MAF: variants seen among roughly 807,000 people sequenced by gnomAD.
The protein encoded by MAF is MAF bZIP transcription factor.
Under a neutral mutation model 22.0 loss-of-function variants are expected in MAF, and 10 were observed. That is an observed-to-expected ratio of 0.45 (90% CI 0.28 to 0.77). MAF has a LOEUF of 0.77. Ranked by LOEUF, MAF falls within the 30% of genes least tolerant of loss-of-function variation. The pLI, the probability that MAF is intolerant of heterozygous loss-of-function variation, is 0.12. For missense variants in MAF, 544 were observed against 548.4 expected (o/e 0.99, Z 0.08); for synonymous variants, 337 against 255.8 (o/e 1.32, Z -3.03).
chr16:79,214,971 A>G, the MAF span, among the ~76,000 whole-genome samples: 1 of 151,742 alleles, frequency 6.6e-6, no homozygotes, highest in Non-Finnish European at 1.5e-5. Context: ...CAGCCCCCCA[A>G]AGTGCTGGGA....
At chr16:79,549,629 A>G in the MAF span, among the ~76,000 whole-genome samples, 236 of 152,276 alleles carry the variant, frequency 1.5e-3, 1 homozygote, top group Middle Eastern at 0.01. Context: ...TTTCGGATAG[A>G]CACTCACTTG....
chr16:79,453,066 T>C, the MAF span, among the ~76,000 whole-genome samples: 1 of 152,122 alleles, frequency 6.6e-6, no homozygotes, highest in Non-Finnish European at 1.5e-5. Flanking sequence ...GATATAGAAG[T>C]CCCTTCTCTA....
At chr16:79,287,296 A>G in the MAF span, among the ~76,000 whole-genome samples, 1 of 152,190 alleles carries the variant, frequency 6.6e-6, no homozygotes, top group Non-Finnish European at 1.5e-5. Context: ...CTCCCAGCCC[A>G]GCTGCTGTTC....
chr16:79,495,036 C>T, the MAF span, among the ~76,000 whole-genome samples: 114 of 152,130 alleles, frequency 7.5e-4, 2 homozygotes, highest in South Asian at 2.1e-4. Context: ...CCTCTCCAGG[C>T]GTGTCACCCC....
At chr16:79,302,636 G>A in the MAF span, among the ~76,000 whole-genome samples, 3 of 152,206 alleles carry the variant, frequency 2.0e-5, no homozygotes, top group Non-Finnish European at 4.4e-5. Flanking sequence ...TAATGAATGT[G>A]GCTTCTATGT....
chr16:79,538,703 G>A, the MAF span, among the ~76,000 whole-genome samples: 5 of 152,092 alleles, frequency 3.3e-5, no homozygotes, highest in Non-Finnish European at 5.9e-5. Context: ...GCACATGCTT[G>A]TGGTCCCAGC....
chr16:79,512,865 G>A, the MAF span, among the ~76,000 whole-genome samples: 1 of 152,184 alleles, frequency 6.6e-6, no homozygotes, highest in African/African-American at 2.4e-5. Flanking sequence ...GCAGCACAGC[G>A]CCGAAGACAT....
the MAF span, among the ~76,000 whole-genome samples, chr16:79,501,241 G>C: frequency 6.6e-6 from 1 of 152,206 alleles, no homozygotes; most frequent in African/African-American, 2.4e-5. Flanking sequence ...CTCCTTGAAG[G>C]GTTGTCAGAT....
chr16:79,473,490 G>GA, the MAF span, among the ~76,000 whole-genome samples: 1 of 152,056 alleles, frequency 6.6e-6, no homozygotes, highest in Admixed American at 6.5e-5. Flanking sequence ...AAACAGTTGG[G>GA]AAAACCATAA....
At chr16:79,241,273 G>A in the MAF span, among the ~76,000 whole-genome samples, 1 of 152,012 alleles carries the variant, frequency 6.6e-6, no homozygotes, top group Non-Finnish European at 1.5e-5. Flanking sequence ...CTAACCCAAC[G>A]CAAGGAAGCT....
the MAF span, among the ~76,000 whole-genome samples, chr16:79,458,212 T>C: frequency 1.4e-4 from 21 of 151,350 alleles, no homozygotes; most frequent in African/African-American, 4.8e-4. Flanking sequence ...AAATCACTTC[T>C]CTCCCTAAAG....
chr16:79,237,153 G>C, the MAF span, among the ~76,000 whole-genome samples: 7 of 152,132 alleles, frequency 4.6e-5, no homozygotes, highest in Non-Finnish European at 1.0e-4. Context: ...TATAATTACA[G>C]ATGAAATAAT....
chr16:79,401,198 G>T, the MAF span, among the ~76,000 whole-genome samples: 2 of 152,164 alleles, frequency 1.3e-5, no homozygotes, highest in African/African-American at 2.4e-5. Flanking sequence ...TCTCCCGCGT[G>T]GATTTCTTTA....
chr16:79,214,097 T>C, the MAF span, among the ~76,000 whole-genome samples: 1 of 152,330 alleles, frequency 6.6e-6, no homozygotes, highest in East Asian at 1.9e-4. Context: ...TCCTCACTGA[T>C]TTTTAGTCTC....
the MAF span, among the ~76,000 whole-genome samples, chr16:79,341,599 T>C: frequency 6.6e-6 from 1 of 152,238 alleles, no homozygotes; most frequent in Admixed American, 6.5e-5. Flanking sequence ...CAGCATTTTC[T>C]AGCACACTGC....
chr16:79,283,460 G>T, the MAF span, among the ~76,000 whole-genome samples: 2 of 152,102 alleles, frequency 1.3e-5, no homozygotes, highest in African/African-American at 4.8e-5. Context: ...ATTTTAAAAA[G>T]ATCCTCAAAT....
the MAF span, among the ~76,000 whole-genome samples, chr16:79,504,834 T>C: frequency 6.6e-6 from 1 of 152,210 alleles, no homozygotes; most frequent in Non-Finnish European, 1.5e-5. Flanking sequence ...ATTTTCCTCA[T>C]CTCTTTTCCC....
chr16:79,539,625 G>A, the MAF span, among the ~76,000 whole-genome samples: 1 of 152,200 alleles, frequency 6.6e-6, no homozygotes, highest in African/African-American at 2.4e-5. Flanking sequence ...TTATAAAGAT[G>A]TTCAATATAG....
At chr16:79,497,156 C>G in the MAF span, among the ~76,000 whole-genome samples, 1 of 152,226 alleles carries the variant, frequency 6.6e-6, no homozygotes, top group Non-Finnish European at 1.5e-5. Context: ...AATTCTCACT[C>G]TCTTCTACAA....
Sources: allele counts gnomAD v4.1 joint callset (sites outside exome capture counted in the v4.1 genomes callset), GRCh38; gene constraint gnomAD v4.1.1; transcripts MANE v1.5; gene names NCBI Gene and HGNC (gene_info 2026-07-23, HGNC 2026-07-21).